The following SVIL variants were observed in gnomAD, a reference collection of about 807,000 sequenced individuals.
SVIL encodes archvillin.
In SVIL, 101 loss-of-function variants were observed where a neutral mutation model predicts 240.4. The observed-to-expected ratio is 0.42, with a 90% CI of 0.36 to 0.50. The LOEUF is 0.50. Ranked by LOEUF, SVIL falls within the 20% of genes least tolerant of loss-of-function variation. The probability of loss-of-function intolerance (pLI) is 0.01; values close to 1 mark genes in which losing one functional copy is unlikely to be tolerated. For synonymous variants in SVIL, 999 were observed against 1,100.0 expected (o/e 0.91, Z 1.82); for missense variants, 2,512 against 2,818.7 (o/e 0.89, Z 2.46).
intron 3 of SVIL, among the ~76,000 whole-genome samples, chr10:29,559,876 CTTTGCAATAAGACTAT>C (rs1954294148): frequency 1.3e-5 from 2 of 152,326 alleles, no homozygotes; most frequent in African/African-American, 4.8e-5. Context: ...ACCTAATAGG[CTTTGCAATAAGACTAT>C]ATAACACCAA....
chr10:29,679,450 T>C (rs1960454916), intron 2 of SVIL, among the ~76,000 whole-genome samples: 1 of 152,100 alleles, frequency 6.6e-6, no homozygotes, highest in Non-Finnish European at 1.5e-5. Flanking sequence ...CTTCATCAAA[T>C]ATGTTATTAG....
chr10:29,655,871 TG>T (rs1564739681), intron 3 of SVIL, among the ~76,000 whole-genome samples: 2 of 126,016 alleles, frequency 1.6e-5, no homozygotes, highest in Non-Finnish European at 3.4e-5. Context: ...TGTGTATGTG[TG>T]GGTTTTTTTT....
chr10:29,584,653 C>T (rs563695352), intron 1 of SVIL, among the ~76,000 whole-genome samples: 4 of 152,336 alleles, frequency 2.6e-5, no homozygotes, highest in African/African-American at 4.8e-5. Context: ...GTCTCCTCTT[C>T]GGCCTCTTTA....
rs951968628 is a variant in SVIL at position 29,531,874 on chromosome 10, T to C, written c.2009+128A>G. On this transcript the variant is annotated intron_variant, in intron 9 of 37. Transcript: ENST00000355867. ...AAATAAGCCAAATAAATAACGCTTA[T>C]AGGTTAGATGGAACAATTATGGAAT... 35 of 1,100,790 alleles carry C rather than the reference T, an allele frequency of 3.2e-5. No individual in the cohort carries two copies. Among genetic ancestry groups the C allele is most frequent in the Non-Finnish European group, 4.2e-5 (32 of 767,256 alleles). 68.2% of individuals were successfully genotyped at this position (1,100,790 alleles called of 1,614,324 possible).
At chr10:29,492,917 A>G (rs2132407893) in intron 21 of SVIL, among the ~76,000 whole-genome samples, 1 of 152,292 alleles carries the variant, frequency 6.6e-6, no homozygotes, top group African/African-American at 2.4e-5. Flanking sequence ...GCAAAACAAT[A>G]TTTACATTAT....
At chr10:29,712,141 GC>G (rs1963333906) in intron 1 of SVIL, 1 of 152,212 alleles carries the variant, frequency 6.6e-6, no homozygotes, top group South Asian at 2.1e-4. Context: ...AGCAAGCACT[GC>G]TTGGCTCTTC....
At chr10:29,720,101 G>C (rs185815663) in intron 1 of SVIL, among the ~76,000 whole-genome samples, 1 of 152,166 alleles carries the variant, frequency 6.6e-6, no homozygotes, top group South Asian at 2.1e-4. Context: ...CCAGTTGCTC[G>C]GGAGGCTGAG....
intron 2 of SVIL, among the ~76,000 whole-genome samples, chr10:29,679,969 G>A (rs1286975531): frequency 1.3e-5 from 2 of 151,636 alleles, no homozygotes; most frequent in Non-Finnish European, 2.9e-5. Context: ...GATTGCTTGA[G>A]CCCAGGAGTT....
In SVIL at chr10:29,551,045, C is replaced by T. The variant is rs375815026; in HGVS notation, c.379G>A (p.Glu127Lys). Residue 127 changes from glutamate to lysine, a missense_variant, in exon 6 of 38, where the codon GAG becomes AAG. Physicochemically the swap from Glu to Lys is moderately conservative, Grantham distance 56 (BLOSUM62 1). Transcript: ENST00000355867. ...CGGGATAAATACTCGGAGTCGGCCT[C>T]GGGATCCAGAGTCAGCCCATACTTC... ...AEKYGLTLDPEADSEYLSRYT... is the reference protein window; with the variant it reads ...AEKYGLTLDPKADSEYLSRYT... 7 of 1,614,146 alleles carry T rather than the reference C, an allele frequency of 4.3e-6. No homozygotes were observed. The highest frequency in any genetic ancestry group is 1.3e-5 in the African/African-American group (1 of 75,014).
At chr10:29,708,610 C>T (rs1963070769) in intron 1 of SVIL, among the ~76,000 whole-genome samples, 2 of 151,916 alleles carry the variant, frequency 1.3e-5, no homozygotes, top group South Asian at 4.2e-4. Context: ...AACTCCGTCT[C>T]AAAAAATTTA....
chr10:29,492,809 C>G (rs560860687), intron 21 of SVIL, among the ~76,000 whole-genome samples: 2 of 152,302 alleles, frequency 1.3e-5, no homozygotes, highest in African/African-American at 4.8e-5. Flanking sequence ...TTGAGCCCAT[C>G]TCATCCAAAT....
rs1354177077 is a variant in SVIL at position 29,536,053 on chromosome 10, G to T, written c.844C>A (p.His282Asn). 1 of 1,614,226 alleles carries T rather than the reference G, an allele frequency of 6.2e-7. No individual in the cohort carries two copies. The highest frequency in any genetic ancestry group is 8.5e-7 in the Non-Finnish European group (1 of 1,180,030). ...GAATCTTTCTGGAGAAACCACTCAT[G>T]TTTGGGTTTCCCTGTACTATTGTGT... ...EARPSTGKPK[H>N]EWFLQKDSEG... Residue 282 changes from histidine to asparagine, a missense_variant, in exon 7 of 38, where the codon CAT becomes AAT. By Grantham distance (68) the His-to-Asn change is moderately conservative (BLOSUM62 1). Around this residue, in one of 3 missense-constraint regions of SVIL, gnomAD observed 1,443 missense variants for 1,486.6 expected, o/e 0.97. Coordinates refer to ENST00000355867, the MANE Select transcript of SVIL (RefSeq NM_021738.3).
chr10:29,463,888 G>A (rs969603205), intron 34 of SVIL, among the ~76,000 whole-genome samples: 1 of 152,144 alleles, frequency 6.6e-6, no homozygotes, highest in African/African-American at 2.4e-5. Flanking sequence ...TTCATTCCTC[G>A]TCCTCCAGGT....
At chr10:29,534,529 A>G (rs1479333406) in intron 7 of SVIL, among the ~76,000 whole-genome samples, 1 of 152,192 alleles carries the variant, frequency 6.6e-6, no homozygotes, top group Non-Finnish European at 1.5e-5. Context: ...AATAAAAATA[A>G]AGAGAGATTG....
intron 10 of SVIL, among the ~76,000 whole-genome samples, chr10:29,531,004 G>C (rs1951323280): frequency 6.6e-6 from 1 of 152,200 alleles, no homozygotes; most frequent in South Asian, 2.1e-4. Context: ...AGAAGAACCT[G>C]CTCCTTTGGT....
intron 2 of SVIL, among the ~76,000 whole-genome samples, chr10:29,669,337 T>C (rs764277519): frequency 1.3e-5 from 2 of 152,146 alleles, no homozygotes; most frequent in Non-Finnish European, 2.9e-5. Flanking sequence ...GTGGCCAGTT[T>C]GGCTGGCGTG....
rs1389518656 is a variant in SVIL at position 29,527,728 on chromosome 10, T to A, written c.2247-672A>T. On this transcript the variant is annotated intron_variant, in intron 12 of 37. Coordinates refer to ENST00000355867, the MANE Select transcript of SVIL (RefSeq NM_021738.3). ...GTGTAAGCCACTGGGCCCAGCCTTT[T>A]TTTTTTTTTTTTTTTTTGACAGAGT... is the stretch of plus-strand genomic sequence containing the variant. Among the ~76,000 whole-genome samples, 3 of 140,804 alleles carry A rather than the reference T, an allele frequency of 2.1e-5. No individual in the cohort carries two copies. In the East Asian group the frequency reaches 6.3e-4, roughly 30 times the overall value. 92.4% of individuals were successfully genotyped at this position (140,804 alleles called of 152,430 possible). A position where few individuals can be genotyped will look rare whatever the true frequency, so the allele number is the denominator to read the frequency against.
At chr10:29,674,362 T>C (rs941297524) in intron 2 of SVIL, among the ~76,000 whole-genome samples, 2 of 152,034 alleles carry the variant, frequency 1.3e-5, no homozygotes, top group Non-Finnish European at 2.9e-5. Flanking sequence ...TTAGGGTTTT[T>C]CATGAGTTTG....
At chr10:29,485,004 C>T (rs376717989) in intron 26 of SVIL, among the ~76,000 whole-genome samples, 173 bp from the exon 27 acceptor site, 9 of 152,130 alleles carry the variant, frequency 5.9e-5, no homozygotes, top group East Asian at 3.9e-4. Context: ...ACTGCCCCAC[C>T]GAGCCAGCCT....
Sources: allele counts gnomAD v4.1 joint callset (sites outside exome capture counted in the v4.1 genomes callset), GRCh38; gene constraint gnomAD v4.1.1; regional missense constraint gnomAD v4.1.1; transcripts MANE v1.5; gene names NCBI Gene and HGNC (gene_info 2026-07-23, HGNC 2026-07-21).